Variants in MGAT4A observed in about 807,000 individuals in gnomAD.
MGAT4A encodes N-acetylglucosaminyltransferase IVa.
MGAT4A carries 33 observed loss-of-function variants against 74.1 expected under a neutral mutation model. The observed-to-expected ratio is 0.45, with a 90% CI of 0.34 to 0.60. The LOEUF (loss-of-function observed/expected upper bound fraction) is 0.60. Among genes scored for constraint, MGAT4A ranks in the 20% least tolerant of loss-of-function variants. The pLI, the probability that MGAT4A is intolerant of heterozygous loss-of-function variation, is 0.02. For synonymous variants in MGAT4A, 198 were observed against 210.4 expected (o/e 0.94, Z 0.51); for missense variants, 479 against 628.3 (o/e 0.76, Z 2.54).
chr2:98,623,504 A>T lies in MGAT4A; in HGVS notation c.*2062T>A. ...TTTAGTATACCAAGCTGGTGCCAAA[A>T]TTTTATGACAAAAGGTTATTCCTGT... is the stretch of plus-strand genomic sequence containing the variant. On this transcript the variant is annotated 3_prime_UTR_variant, in exon 16 of 16. Coordinates refer to ENST00000393487, the MANE Select transcript of MGAT4A (RefSeq NM_012214.3). 1 of 985,418 alleles carries T rather than the reference A, an allele frequency of 1.0e-6. No homozygotes were observed. Among genetic ancestry groups the T allele is most frequent in the Non-Finnish European group, 1.2e-6 (1 of 829,930 alleles). 61.0% of individuals were successfully genotyped at this position (985,418 alleles called of 1,614,324 possible). A position where few individuals can be genotyped will look rare whatever the true frequency, so the allele number is the denominator to read the frequency against.
chr2:98,663,376 C>A, intron 4 of MGAT4A, 197 bp from the exon 5 acceptor site: 2 of 1,519,254 alleles, frequency 1.3e-6, no homozygotes, highest in Non-Finnish European at 8.8e-7. Flanking sequence ...ATGGCTTAAC[C>A]ATAAGAAAAA....
intron 2 of MGAT4A, among the ~76,000 whole-genome samples, chr2:98,693,766 A>T (rs1333672804): frequency 6.6e-6 from 1 of 152,156 alleles, no homozygotes; most frequent in Non-Finnish European, 1.5e-5. Context: ...ATAAAACGTC[A>T]ACCCCTGTAG....
In MGAT4A at chr2:98,635,305, G is replaced by A. The variant is rs531455697; in HGVS notation, c.1402-17C>T. The stretch of plus-strand genomic sequence containing the variant: ...ACCTTCACTCTAAAATAAAACAAAA[G>A]CATTAATTTCAAAAATAATTCTTTC... On this transcript the variant is annotated splice_polypyrimidine_tract_variant and intron_variant, in intron 13 of 15. Transcript: ENST00000393487. 4.0e-4 allele frequency: 624 copies of A among 1,561,200 alleles called. 13 individuals are homozygous for A. The South Asian group carries it at 6.6e-3, about 17-fold the overall frequency.
chr2:98,726,536 T>A lies in MGAT4A; in HGVS notation c.-204A>T. On this transcript the variant is annotated 5_prime_UTR_variant, in exon 2 of 16. In the 5' UTR this introduces an upstream ATG that the reference lacks. Transcript: ENST00000393487. ...TGTACTCGGGATCGTCTTTGCGGTC[T>A]TCACACGCTGATGCCTCGGCCTTTT... The A allele has an allele frequency of 2.3e-6, 1 of 437,880 alleles. No individual in the cohort carries two copies. Among genetic ancestry groups the A allele is most frequent in the South Asian group, 7.6e-5 (1 of 13,076 alleles). The allele number at this position is 437,880 out of a possible 1,614,324, so 27.1% of individuals were successfully genotyped here.
chr2:98,676,084 G>A (rs1701973629), intron 3 of MGAT4A, among the ~76,000 whole-genome samples: 1 of 152,012 alleles, frequency 6.6e-6, no homozygotes, highest in Non-Finnish European at 1.5e-5. Context: ...AAACTTGGTA[G>A]TAGAAATAAT....
chr2:98,641,670 C>T (rs1226225396), intron 10 of MGAT4A, among the ~76,000 whole-genome samples: 3 of 149,868 alleles, frequency 2.0e-5, no homozygotes, highest in South Asian at 2.1e-4. Context: ...AGCGAGACTC[C>T]GTCTCACAAA....
At position 98,656,088 on chromosome 2, in the gene MGAT4A, C is replaced by T. The variant is rs74536088; in HGVS notation, c.698+264G>A. ...CAGTATTAAACCCTGTCAGTGAATTCCTGGTAGCCTACAGAAACACATAAG... is the reference window on the plus strand; with the variant it reads ...CAGTATTAAACCCTGTCAGTGAATTTCTGGTAGCCTACAGAAACACATAAG... On this transcript the variant is annotated intron_variant, in intron 7 of 15. Transcript: ENST00000393487. 2,150 of 376,370 alleles carry T rather than the reference C, an allele frequency of 5.7e-3. 11 individuals are homozygous for T. Among genetic ancestry groups the T allele is most frequent in the Non-Finnish European group, 8.0e-3 (1,682 of 209,526 alleles). 23.3% of individuals were successfully genotyped at this position (376,370 alleles called of 1,614,324 possible).
intron 2 of MGAT4A, among the ~76,000 whole-genome samples, chr2:98,692,769 T>C (rs1702212785): frequency 2.6e-5 from 4 of 152,352 alleles, no homozygotes; most frequent in African/African-American, 9.6e-5. Context: ...AGGTGTGTAG[T>C]GGGCTGTACC....
intron 2 of MGAT4A, among the ~76,000 whole-genome samples, chr2:98,708,493 C>T (rs1218189548): frequency 6.6e-6 from 1 of 152,138 alleles, no homozygotes; most frequent in Non-Finnish European, 1.5e-5. Flanking sequence ...GTTATACCTG[C>T]CGTAAACTTT....
intron 8 of MGAT4A, among the ~76,000 whole-genome samples, chr2:98,650,987 G>A (rs1474662226): frequency 6.6e-6 from 1 of 151,640 alleles, no homozygotes; most frequent in Non-Finnish European, 1.5e-5. Context: ...CAGGCTGGGC[G>A]CAGCAAGGTG....
At chr2:98,692,687 T>C (rs1485514077) in intron 2 of MGAT4A, among the ~76,000 whole-genome samples, 3 of 152,210 alleles carry the variant, frequency 2.0e-5, no homozygotes, top group Admixed American at 1.3e-4. Context: ...ATACTTACCA[T>C]TGTGTTATAA....
At chr2:98,649,508 T>C (rs184210169) in intron 8 of MGAT4A, among the ~76,000 whole-genome samples, 1 of 152,300 alleles carries the variant, frequency 6.6e-6, no homozygotes, top group Non-Finnish European at 1.5e-5. Context: ...GAATGATTTC[T>C]GTCTCATCTA....
chr2:98,664,415 A>C (rs1044905157), intron 4 of MGAT4A, among the ~76,000 whole-genome samples: 2 of 152,180 alleles, frequency 1.3e-5, no homozygotes, highest in African/African-American at 4.8e-5. Flanking sequence ...GACAAACACC[A>C]GGTGAACAAC....
At chr2:98,641,532 CGTG>C (rs1267091997) in intron 10 of MGAT4A, among the ~76,000 whole-genome samples, 1 of 145,772 alleles carries the variant, frequency 6.9e-6, no homozygotes, top group Non-Finnish European at 1.5e-5. Context: ...ATTAGCCGGG[CGTG>C]GTGGCGGGCG....
intron 8 of MGAT4A, among the ~76,000 whole-genome samples, chr2:98,652,431 C>G (rs548452059): frequency 6.6e-6 from 1 of 151,186 alleles, no homozygotes; most frequent in African/African-American, 2.4e-5. Context: ...CCCGGGTTCA[C>G]GCCATTCTCC....
At chr2:98,706,973 T>C (rs947976731) in intron 2 of MGAT4A, among the ~76,000 whole-genome samples, 4 of 151,762 alleles carry the variant, frequency 2.6e-5, no homozygotes, top group African/African-American at 9.7e-5. Flanking sequence ...CCCAGCACTT[T>C]GGGAGGCCAA....
In MGAT4A at chr2:98,731,036, C is replaced by G. The variant is rs1408501499; in HGVS notation, c.-236+12G>C. 1 of 139,936 alleles carries G rather than the reference C, an allele frequency of 7.1e-6. No homozygotes were observed. The highest frequency in any genetic ancestry group is 1.9e-4 in the South Asian group (1 of 5,322). The allele number at this position is 139,936 out of a possible 1,614,324, so 8.7% of individuals were successfully genotyped here. ...CCCCCGCGCGCCGCCGCTGCCGCCG[C>G]GAGCCCCTCACCCGCCGCTGGCGTC... On this transcript the variant is annotated intron_variant, in intron 1 of 15. Coordinates refer to ENST00000393487, the MANE Select transcript of MGAT4A (RefSeq NM_012214.3). This position sits in a 1 kb window ranked among gnomAD's most constrained non-coding sequence, Gnocchi z 4.8.
At chr2:98,691,922 G>A (rs1305076431) in intron 2 of MGAT4A, among the ~76,000 whole-genome samples, 2 of 151,782 alleles carry the variant, frequency 1.3e-5, no homozygotes, top group Non-Finnish European at 2.9e-5. Flanking sequence ...TAACAACAAT[G>A]TTTAAAAAGT....
At chr2:98,652,986 T>G (rs1701603671) in intron 8 of MGAT4A, among the ~76,000 whole-genome samples, 1 of 151,010 alleles carries the variant, frequency 6.6e-6, no homozygotes. Context: ...AAAATGAAAC[T>G]AGAAGTCAAT....
Sources: gnomAD v4.1 joint callset for allele counts (sites outside exome capture counted in the v4.1 genomes callset) on GRCh38, gnomAD v4.1.1 for gene constraint, Gnocchi (gnomAD v3.1) non-coding constraint, MANE v1.5 for transcripts, NCBI Gene and HGNC (gene_info 2026-07-23, HGNC 2026-07-21) for gene names.